LRBA: variants seen among roughly 807,000 people sequenced by gnomAD.
The protein encoded by LRBA is LPS responsive beige-like anchor protein, also known as lipopolysaccharide-responsive and beige-like anchor protein.
In LRBA, 176 loss-of-function variants were observed where a neutral mutation model predicts 330.0. The ratio of observed to expected loss-of-function variants is 0.53; its 90% CI spans 0.47 to 0.60. The LOEUF is 0.60. Among genes scored for constraint, LRBA ranks in the 20% least tolerant of loss-of-function variants. LRBA has a pLI of 0.00. For missense variants in LRBA, 3,259 were observed against 3,444.8 expected, an observed-to-expected ratio of 0.95 and a Z score of 1.35; for synonymous variants, 1,230 against 1,193.0, an observed-to-expected ratio of 1.03 and a Z score of -0.64.
chr4:150,533,701 G>A (rs1223722676), intron 40 of LRBA, among the ~76,000 whole-genome samples: 1 of 152,096 alleles, frequency 6.6e-6, no homozygotes. Context: ...AGCCCTGGAG[G>A]GACGCTGCAG....
chr4:150,980,194 C>T (rs930946352), intron 2 of LRBA, among the ~76,000 whole-genome samples: 1 of 151,998 alleles, frequency 6.6e-6, no homozygotes, highest in Non-Finnish European at 1.5e-5. Context: ...CAATATGATA[C>T]ATCATATTAA....
rs145666345 is a variant in LRBA, at chr4:150,764,731, C to G, written c.5581-2884G>C. On this transcript the variant is annotated intron_variant, in intron 34 of 56. Coordinates refer to ENST00000651943, the MANE Select transcript of LRBA (RefSeq NM_001364905.1). ...ATTAAGACTAGATACCATTAGACAC[C>G]TATAAGAATGGCCAAAATCCAGTAC... Among the ~76,000 whole-genome samples the G allele has an allele frequency of 6.4e-3, 966 of 152,018 alleles. 12 individuals are homozygous for G. Among genetic ancestry groups the G allele is most frequent in the African/African-American group, 0.022 (919 of 41,508 alleles).
chr4:150,818,308 T>C (rs974348096), intron 30 of LRBA, among the ~76,000 whole-genome samples: 2 of 152,206 alleles, frequency 1.3e-5, no homozygotes, highest in Non-Finnish European at 1.5e-5. Flanking sequence ...GCAAACACTG[T>C]TGCCAATTAA....
chr4:150,830,594 T>C (rs1321063166), intron 29 of LRBA, among the ~76,000 whole-genome samples: 1 of 152,032 alleles, frequency 6.6e-6, no homozygotes, highest in Non-Finnish European at 1.5e-5. Context: ...ATGCCCACCG[T>C]GCCCTATCCA....
intron 2 of LRBA, among the ~76,000 whole-genome samples, chr4:150,985,244 C>T (rs1345974216): frequency 7.6e-5 from 11 of 143,970 alleles, no homozygotes; most frequent in African/African-American, 2.8e-4. Context: ...GGTGACAGAG[C>T]TAGACTCCAT....
chr4:150,545,197 A>C (rs1208110024), intron 40 of LRBA, among the ~76,000 whole-genome samples: 1 of 152,226 alleles, frequency 6.6e-6, no homozygotes, highest in East Asian at 1.9e-4. Flanking sequence ...TAATCAAGGT[A>C]ATCTCAGTTA....
chr4:150,319,792 C>T (rs1350925947), intron 50 of LRBA, among the ~76,000 whole-genome samples: 2 of 152,054 alleles, frequency 1.3e-5, no homozygotes, highest in African/African-American at 4.8e-5. Flanking sequence ...CCTTATTGAG[C>T]TTAGTCAATG....
At chr4:150,433,063 T>C (rs1181664741) in intron 46 of LRBA, among the ~76,000 whole-genome samples, 6 of 152,102 alleles carry the variant, frequency 3.9e-5, no homozygotes, top group Non-Finnish European at 8.8e-5. Context: ...GGTGGAAAAA[T>C]ATCAGTAGGC....
intron 36 of LRBA, among the ~76,000 whole-genome samples, chr4:150,715,645 C>T (rs1728088961): frequency 6.6e-6 from 1 of 152,122 alleles, no homozygotes; most frequent in South Asian, 2.1e-4. Flanking sequence ...TTTGTGTGTG[C>T]ACAATTGCCA....
chr4:150,982,395 A>G (rs1740948102), intron 2 of LRBA, among the ~76,000 whole-genome samples: 1 of 152,226 alleles, frequency 6.6e-6, no homozygotes, highest in Non-Finnish European at 1.5e-5. Flanking sequence ...AACTAGGTTT[A>G]GAGGGAACTA....
At position 150,957,982 on chromosome 4, in the gene LRBA, G is replaced by A. The variant is rs534453955; in HGVS notation, c.217-28917C>T. On this transcript the variant is annotated intron_variant, in intron 2 of 56. Coordinates refer to ENST00000651943, the MANE Select transcript of LRBA (RefSeq NM_001364905.1). ...ACTCCTTGCTGCTTTCACGGCTGGC[G>A]TTGAGCATCTGCAGCTTTTCGAGGT... Among the ~76,000 whole-genome samples, 7 of 149,240 alleles carry A rather than the reference G, an allele frequency of 4.7e-5. No homozygotes were observed. The East Asian group carries it at 5.8e-4, about 12-fold the overall frequency.
At chr4:150,821,805 A>G (rs991240175) in intron 30 of LRBA, among the ~76,000 whole-genome samples, 1 of 152,220 alleles carries the variant, frequency 6.6e-6, no homozygotes, top group African/African-American at 2.4e-5. Flanking sequence ...TTCAAATTAG[A>G]TAAGAACAAG....
intron 2 of LRBA, among the ~76,000 whole-genome samples, chr4:150,942,622 A>G (rs1429755554): frequency 1.3e-5 from 2 of 152,304 alleles, no homozygotes; most frequent in East Asian, 1.9e-4. Context: ...CTTAGAATGC[A>G]CAGAAGCCCT....
At chr4:150,814,893 GA>G (rs1476081119) in intron 31 of LRBA, among the ~76,000 whole-genome samples, 1 of 151,812 alleles carries the variant, frequency 6.6e-6, no homozygotes, top group Non-Finnish European at 1.5e-5. Flanking sequence ...AAATTACAAT[GA>G]ATTTATTGGA....
chr4:150,810,733 C>T (rs1743596936), intron 31 of LRBA, among the ~76,000 whole-genome samples: 1 of 152,098 alleles, frequency 6.6e-6, no homozygotes, highest in Admixed American at 6.5e-5. Context: ...TCCCAAGTAG[C>T]TGGGAATATA....
intron 36 of LRBA, among the ~76,000 whole-genome samples, chr4:150,714,005 G>T (rs1482601432): frequency 6.6e-6 from 1 of 152,146 alleles, no homozygotes; most frequent in Non-Finnish European, 1.5e-5. Context: ...TTAGAGGTGT[G>T]CTATTCAAGA....
At chr4:150,913,149 C>A (rs1383081690) in intron 9 of LRBA, among the ~76,000 whole-genome samples, 1 of 152,142 alleles carries the variant, frequency 6.6e-6, no homozygotes, top group Non-Finnish European at 1.5e-5. Flanking sequence ...ACATGTCTAT[C>A]CTGGAGAATG....
chr4:150,970,574 C>A (rs1005065839), intron 2 of LRBA: 2 of 146,106 alleles, frequency 1.4e-5, no homozygotes, highest in Non-Finnish European at 3.0e-5. Flanking sequence ...CACACACACA[C>A]ACACACACAC....
Position 150,817,138 on chromosome 4 carries a change from C to T in LRBA, c.5291G>A (p.Gly1764Glu). ...AACTAACTCACCTGGTGATTCTCCT[C>T]CCATATCTGAGGCTTGGGCTGAATC... ...SVDSAQASDM[G>E]GESPGSRSSN... The change falls in exon 31 of 57, where the codon GGA (glycine) becomes GAA (glutamate). Residue 1764 changes from glycine (G) to glutamate (E), a missense_variant. Gly to Glu is a moderately conservative substitution (Grantham distance 98, BLOSUM62 -2). Coordinates refer to ENST00000651943, the MANE Select transcript of LRBA (RefSeq NM_001364905.1). The T allele has an allele frequency of 6.2e-7, 1 of 1,611,964 alleles. No homozygotes were observed. Among genetic ancestry groups the T allele is most frequent in the South Asian group, 1.1e-5 (1 of 90,972 alleles).
Sources: allele counts gnomAD v4.1 joint callset (sites outside exome capture counted in the v4.1 genomes callset), GRCh38; gene constraint gnomAD v4.1.1; transcripts MANE v1.5; gene names NCBI Gene and HGNC (gene_info 2026-07-23, HGNC 2026-07-21).